The following RGPD2 variants were observed in gnomAD, a reference collection of about 807,000 sequenced individuals.
The protein encoded by RGPD2 is RANBP2-like and GRIP domain-containing protein 2.
In RGPD2, 2 loss-of-function variants were observed where a neutral mutation model predicts 36.0. The ratio of observed to expected loss-of-function variants is 0.06; its 90% CI spans 0.02 to 0.17. RGPD2 has a LOEUF of 0.17. RGPD2 is among the 10% of genes least tolerant of loss of function. The pLI is 1.00. For synonymous variants in RGPD2, 19 were observed against 163.8 expected, an observed-to-expected ratio of 0.12 and a Z score of 6.75; for missense variants, 40 against 464.3, an observed-to-expected ratio of 0.09 and a Z score of 8.40.
At chr2:87,870,752 AC>A in the RGPD2 span, among the ~76,000 whole-genome samples, 1 of 151,552 alleles carries the variant, frequency 6.6e-6, no homozygotes, top group African/African-American at 2.4e-5. Context: ...AATTCAACAT[AC>A]CCACTATTGA....
the RGPD2 span, among the ~76,000 whole-genome samples, chr2:87,888,225 A>G: frequency 6.6e-6 from 1 of 151,850 alleles, no homozygotes; most frequent in Non-Finnish European, 1.5e-5. Context: ...TCTCCACTTC[A>G]ACTTACTGGA....
At chr2:87,966,119 G>A in the RGPD2 span, among the ~76,000 whole-genome samples, 1 of 150,724 alleles carries the variant, frequency 6.6e-6, no homozygotes, top group Non-Finnish European at 1.5e-5. Flanking sequence ...GTCAGAATAA[G>A]GAAATCTTTG....
At chr2:87,855,060 C>T in the RGPD2 span, among the ~76,000 whole-genome samples, 2 of 152,116 alleles carry the variant, frequency 1.3e-5, no homozygotes, top group Non-Finnish European at 2.9e-5. Context: ...TCTACTCTCT[C>T]TTAGCAAATT....
the RGPD2 span, among the ~76,000 whole-genome samples, chr2:87,941,651 GCTAC>G: frequency 5.2e-5 from 2 of 38,202 alleles, no homozygotes; most frequent in African/African-American, 1.0e-4. Context: ...TGTATAGTAT[GCTAC>G]CTTTGAATAT....
the RGPD2 span, among the ~76,000 whole-genome samples, chr2:87,918,660 GAGTA>G: frequency 6.6e-6 from 1 of 152,058 alleles, no homozygotes; most frequent in Non-Finnish European, 1.5e-5. Context: ...TCTTACAATA[GAGTA>G]AGTGTGTTCA....
the RGPD2 span, among the ~76,000 whole-genome samples, chr2:87,892,137 T>C: frequency 6.6e-6 from 1 of 151,804 alleles, no homozygotes; most frequent in Non-Finnish European, 1.5e-5. Context: ...GAATTCTTTT[T>C]TGTGCAAGAT....
chr2:87,836,610 AT>A, the RGPD2 span, among the ~76,000 whole-genome samples: 71 of 151,698 alleles, frequency 4.7e-4, no homozygotes, highest in African/African-American at 1.5e-3. Context: ...GGAGTACTAA[AT>A]TTGGAAACAA....
chr2:87,986,042 A>C, the RGPD2 span: 1 of 661,900 alleles, frequency 1.5e-6, no homozygotes, highest in Non-Finnish European at 2.6e-6. Flanking sequence ...ACTGTCATTA[A>C]AGAGCCAATG....
chr2:87,825,914 C>G (rs982391107), upstream of RGPD2: 23 of 739,398 alleles, frequency 3.1e-5, no homozygotes, highest in Non-Finnish European at 3.9e-5. Context: ...TGCACTCGGC[C>G]GGGCTCTTGG....
At chr2:87,938,126 T>C in the RGPD2 span, among the ~76,000 whole-genome samples, 1 of 151,624 alleles carries the variant, frequency 6.6e-6, no homozygotes, top group Non-Finnish European at 1.5e-5. Context: ...CACAGGATAA[T>C]TTTTTTAAAG....
chr2:87,921,581 G>A, the RGPD2 span, among the ~76,000 whole-genome samples: 1 of 152,176 alleles, frequency 6.6e-6, no homozygotes, highest in African/African-American at 2.4e-5. Flanking sequence ...AGATAGTAGA[G>A]TCAGTGGTAT....
At chr2:87,875,653 AT>A in the RGPD2 span, among the ~76,000 whole-genome samples, 3,506 of 113,294 alleles carry the variant, frequency 0.031, no homozygotes, top group African/African-American at 0.088. Context: ...TTCATCAAAT[AT>A]ATTGGCTTGA....
At chr2:87,857,587 C>T in the RGPD2 span, among the ~76,000 whole-genome samples, 71 of 151,792 alleles carry the variant, frequency 4.7e-4, no homozygotes, top group African/African-American at 1.6e-3. Flanking sequence ...TGTGATCCGC[C>T]CGCCTCGGCC....
the RGPD2 span, among the ~76,000 whole-genome samples, chr2:87,864,428 T>C: frequency 6.6e-6 from 1 of 152,256 alleles, no homozygotes; most frequent in Non-Finnish European, 1.5e-5. Flanking sequence ...ACTCCCCTGA[T>C]GCTCAGGCCT....
chr2:87,983,279 C>T, the RGPD2 span, among the ~76,000 whole-genome samples: 1 of 152,162 alleles, frequency 6.6e-6, no homozygotes, highest in Non-Finnish European at 1.5e-5. Context: ...AGGATAGCGC[C>T]ACTGCATTCC....
chr2:87,909,162 G>A, the RGPD2 span, among the ~76,000 whole-genome samples: 5 of 152,038 alleles, frequency 3.3e-5, no homozygotes, highest in African/African-American at 1.2e-4. Context: ...GATTCTTCCT[G>A]CAAATGTAGA....
the RGPD2 span, among the ~76,000 whole-genome samples, chr2:87,939,989 C>T: frequency 5.3e-5 from 8 of 152,010 alleles, no homozygotes; most frequent in African/African-American, 7.2e-5. Context: ...AACAAAGAAA[C>T]GAAACTAGCA....
chr2:87,967,425 T>C, the RGPD2 span, among the ~76,000 whole-genome samples: 42 of 150,140 alleles, frequency 2.8e-4, 2 homozygotes, highest in African/African-American at 9.4e-4. Flanking sequence ...AAAAAATTTT[T>C]TTTCCAACAA....
At chr2:87,896,747 C>T in the RGPD2 span, among the ~76,000 whole-genome samples, 1 of 101,636 alleles carries the variant, frequency 9.8e-6, no homozygotes, top group Admixed American at 1.0e-4. Flanking sequence ...TTCAGTAAAG[C>T]ATTTATTAGC....
Sources: allele counts gnomAD v4.1 joint callset (sites outside exome capture counted in the v4.1 genomes callset), GRCh38; gene constraint gnomAD v4.1.1; transcripts MANE v1.5; gene names NCBI Gene and HGNC (gene_info 2026-07-23, HGNC 2026-07-21).